PCDHGC4: variants seen among roughly 807,000 people sequenced by gnomAD.
PCDHGC4 encodes protocadherin gamma-C4.
A neutral mutation model predicts 59.7 loss-of-function variants in PCDHGC4; 15 were observed. That is an observed-to-expected ratio of 0.25 (90% CI 0.17 to 0.39). The LOEUF is 0.39. Ranked by LOEUF, PCDHGC4 falls within the 10% of genes least tolerant of loss-of-function variation. The pLI, the probability that PCDHGC4 is intolerant of heterozygous loss-of-function variation, is 1.00. For synonymous variants in PCDHGC4, 434 were observed against 481.4 expected (o/e 0.90, Z 1.29); for missense variants, 1,016 against 1,189.5 (o/e 0.85, Z 2.15).
Position 141,504,006 on chromosome 5 carries a change from G to C in PCDHGC4, c.2502-1387G>C, listed in dbSNP as rs138738950. Among the ~76,000 whole-genome samples, 1,431 of 152,182 alleles carry C rather than the reference G, an allele frequency of 9.4e-3. 31 individuals are homozygous for C. The highest frequency in any genetic ancestry group is 0.033 in the African/African-American group (1,367 of 41,490). On this transcript the variant is annotated intron_variant, in intron 2 of 3. Coordinates refer to ENST00000306593, the MANE Select transcript of PCDHGC4 (RefSeq NM_018928.3). The stretch of plus-strand genomic sequence containing the variant: ...CTTCTTACCTTACAGTCACTTAACT[G>C]TCTCTGCTGGTCTCTTCCCACTCAT...
In PCDHGC4 at chr5:141,486,836, G is replaced by C; in HGVS notation, c.1663G>C (p.Val555Leu). The change falls in exon 1 of 4, where the codon GTG (valine) becomes CTG (leucine). Residue 555 changes from valine (V) to leucine (L), a missense_variant. Coordinates refer to ENST00000306593, the MANE Select transcript of PCDHGC4 (RefSeq NM_018928.3). This position sits in a 1 kb window ranked among gnomAD's most constrained non-coding sequence, Gnocchi z 5.0. ...LSSTVTVRLF[V>L]LDLNDNAPAV... ...CAGCACTGTAACAGTTCGTCTATTT[G>C]TGCTGGACCTCAATGACAATGCTCC... 1 of 1,614,242 alleles carries C rather than the reference G, an allele frequency of 6.2e-7. No individual in the cohort carries two copies. The highest frequency in any genetic ancestry group is 8.5e-7 in the Non-Finnish European group (1 of 1,180,046).
intron 3 of PCDHGC4, among the ~76,000 whole-genome samples, chr5:141,506,700 G>GT (rs1446452157): frequency 2.0e-5 from 3 of 152,138 alleles, no homozygotes; most frequent in Admixed American, 1.3e-4. Context: ...ACCCAAACCC[G>GT]TTTTTTACTG....
chr5:141,485,497 T>C lies in PCDHGC4; in HGVS notation c.324T>C (p.Phe108=), dbSNP rs1594488328. The change falls in exon 1 of 4, where the codon TTT becomes TTC. Residue 108 remains phenylalanine, a synonymous_variant. Coordinates refer to ENST00000306593, the MANE Select transcript of PCDHGC4 (RefSeq NM_018928.3). The surrounding 1 kb of genome is among the most constrained non-coding windows in gnomAD (Gnocchi z 5.7). ...LSASCIVPLE[F]VTEGPLEMYR... ...CCAGCTGCATCGTGCCCCTGGAGTT[T>C]GTCACCGAAGGTCCTTTGGAAATGT... 6.2e-7 allele frequency: 1 copy of C among 1,614,112 alleles called. No homozygotes were observed. The highest frequency in any genetic ancestry group is 1.3e-5 in the African/African-American group (1 of 74,998).
rs922592733 is a variant in PCDHGC4 at position 141,487,979 on chromosome 5, C to T, written c.2442+364C>T. Among the ~76,000 whole-genome samples the T allele has an allele frequency of 1.3e-5, 2 of 152,178 alleles. No individual in the cohort carries two copies. Among genetic ancestry groups the T allele is most frequent in the African/African-American group, 4.8e-5 (2 of 41,442 alleles). The stretch of plus-strand genomic sequence containing the variant: ...TGGACAAAGGTGGCTGTTTTCTCTA[C>T]TCTTCCTGAAAGAGGGGATCAGATT... On this transcript the variant is annotated intron_variant, in intron 1 of 3. Coordinates refer to ENST00000306593, the MANE Select transcript of PCDHGC4 (RefSeq NM_018928.3). The surrounding 1 kb of genome is among the most constrained non-coding windows in gnomAD (Gnocchi z 5.0).
chr5:141,498,105 G>C (rs150297456), intron 2 of PCDHGC4, among the ~76,000 whole-genome samples: 1 of 152,324 alleles, frequency 6.6e-6, no homozygotes, highest in East Asian at 1.9e-4. Flanking sequence ...TGGTGTGGGC[G>C]TATAATAGGG....
intron 1 of PCDHGC4, among the ~76,000 whole-genome samples, chr5:141,494,529 G>C (rs952931724): frequency 1.3e-5 from 2 of 152,132 alleles, no homozygotes; most frequent in African/African-American, 4.8e-5. Flanking sequence ...TCTGACTCTG[G>C]GGGCAGGGAG....
In PCDHGC4 at chr5:141,512,859, CAT is replaced by C. The variant is rs1474518602; in HGVS notation, c.*1688_*1689del. 6.6e-6 allele frequency: 1 copy of C among 152,296 alleles called. No homozygotes were observed. The highest frequency in any genetic ancestry group is 1.9e-4 in the East Asian group (1 of 5,200). The allele number at this position is 152,296 out of a possible 1,614,324, so 9.4% of individuals were successfully genotyped here. A position where few individuals can be genotyped will look rare whatever the true frequency, so the allele number is the denominator to read the frequency against. On this transcript the variant is annotated 3_prime_UTR_variant, in exon 4 of 4. Transcript: ENST00000306593. ...CTTCTCCTATAAGCGCTTCTCTTCG[CAT>C]AGTCACGTAGCTCCCACCCCACCCT... is the stretch of plus-strand genomic sequence containing the variant.
chr5:141,488,210 A>G (rs2099673009), intron 1 of PCDHGC4, among the ~76,000 whole-genome samples: 1 of 152,192 alleles, frequency 6.6e-6, no homozygotes, highest in Admixed American at 6.5e-5. Context: ...ACTCATATCA[A>G]GTCCCTACTG....
Position 141,485,668 on chromosome 5 carries a change from T to C in PCDHGC4, c.495T>C (p.Asn165=). 6.2e-7 allele frequency: 1 copy of C among 1,612,698 alleles called. No homozygotes were observed. The highest frequency in any genetic ancestry group is 1.3e-5 in the African/African-American group (1 of 74,972). ...CTCAGGATGCAGATGTGGGGAGCAA[T>C]TCGATTAGCAGCTATAGGCTGAGCT... ...EKAQDADVGS[N]SISSYRLSSN... The change falls in exon 1 of 4, where the codon AAT becomes AAC. Residue 165 remains asparagine, a synonymous_variant. Transcript: ENST00000306593. The surrounding 1 kb of genome is among the most constrained non-coding windows in gnomAD (Gnocchi z 5.7).
rs575872277 is a variant in PCDHGC4, at chr5:141,511,848, G to A, written c.*675G>A. The A allele has an allele frequency of 6.4e-6, 1 of 156,684 alleles. No individual in the cohort carries two copies. The highest frequency in any genetic ancestry group is 2.0e-4 in the South Asian group (1 of 5,078). The allele number at this position is 156,684 out of a possible 1,614,324, so 9.7% of individuals were successfully genotyped here. A position where few individuals can be genotyped will look rare whatever the true frequency, so the allele number is the denominator to read the frequency against. ...GCCCTGGGGACCAGTCTTCTGTTTT[G>A]TTTTTCATTGTTTGACGTTTCCACT... On this transcript the variant is annotated 3_prime_UTR_variant, in exon 4 of 4. Transcript: ENST00000306593.
At position 141,489,969 on chromosome 5, in the gene PCDHGC4, A is replaced by C. The variant is rs746202385; in HGVS notation, c.2442+2354A>C. On this transcript the variant is annotated intron_variant, in intron 1 of 3. Coordinates refer to ENST00000306593, the MANE Select transcript of PCDHGC4 (RefSeq NM_018928.3). This position sits in a 1 kb window ranked among gnomAD's most constrained non-coding sequence, Gnocchi z 4.5. The stretch of plus-strand genomic sequence containing the variant: ...TCAATGATAATGCTCCAACCTTCCA[A>C]TCCTCAGTTCTACGTGTGGGAATCC... 4 of 1,614,008 alleles carry C rather than the reference A, an allele frequency of 2.5e-6. No individual in the cohort carries two copies.
chr5:141,490,862 C>G lies in PCDHGC4; in HGVS notation c.2442+3247C>G. 1 of 1,613,878 alleles carries G rather than the reference C, an allele frequency of 6.2e-7. No homozygotes were observed. Among genetic ancestry groups the G allele is most frequent in the East Asian group, 2.2e-5 (1 of 44,874 alleles). ...GTGGTGGGGGTTCGAGACTCCGGCTCTCCCCCATTGCATGCCAACACATCT... is the reference window on the plus strand; with the variant it reads ...GTGGTGGGGGTTCGAGACTCCGGCTGTCCCCCATTGCATGCCAACACATCT... On this transcript the variant is annotated intron_variant, in intron 1 of 3. Coordinates refer to ENST00000306593, the MANE Select transcript of PCDHGC4 (RefSeq NM_018928.3). The surrounding 1 kb of genome is among the most constrained non-coding windows in gnomAD (Gnocchi z 5.4).
rs1230384508 is a variant in PCDHGC4 at position 141,490,990 on chromosome 5, C to T, written c.2442+3375C>T. On this transcript the variant is annotated intron_variant, in intron 1 of 3. Coordinates refer to ENST00000306593, the MANE Select transcript of PCDHGC4 (RefSeq NM_018928.3). The surrounding 1 kb of genome is among the most constrained non-coding windows in gnomAD (Gnocchi z 5.4). ...CCCCCAGCGTCTCCCTCGCTCTGCT[C>T]CTCCTGGCTCCTTGGTCACCAAGGT... 6 of 1,614,102 alleles carry T rather than the reference C, an allele frequency of 3.7e-6. No homozygotes were observed. The highest frequency in any genetic ancestry group is 1.3e-5 in the African/African-American group (1 of 75,064).
Position 141,491,454 on chromosome 5 carries a change from C to T in PCDHGC4, c.2443-3353C>T. The T allele has an allele frequency of 1.9e-6, 3 of 1,614,120 alleles. No individual in the cohort carries two copies. The highest frequency in any genetic ancestry group is 2.5e-6 in the Non-Finnish European group (3 of 1,180,032). On this transcript the variant is annotated intron_variant, in intron 1 of 3. Coordinates refer to ENST00000306593, the MANE Select transcript of PCDHGC4 (RefSeq NM_018928.3). This position sits in a 1 kb window ranked among gnomAD's most constrained non-coding sequence, Gnocchi z 6.9. ...GCTGCAGGCGCCAGGACTCACCCTCCCCGGACTTCTATAAGCAGTCCAGCC... is the reference window on the plus strand; with the variant it reads ...GCTGCAGGCGCCAGGACTCACCCTCTCCGGACTTCTATAAGCAGTCCAGCC...
At chr5:141,492,163 C>G (rs921256341) in intron 1 of PCDHGC4, among the ~76,000 whole-genome samples, 3 of 152,232 alleles carry the variant, frequency 2.0e-5, no homozygotes, top group Admixed American at 6.5e-5. Flanking sequence ...CCTCCCTATC[C>G]CCGCATCACC....
chr5:141,496,766 CT>C (rs1361332988), intron 2 of PCDHGC4, among the ~76,000 whole-genome samples: 1 of 152,068 alleles, frequency 6.6e-6, no homozygotes, highest in Non-Finnish European at 1.5e-5. Context: ...TATCGAGCAT[CT>C]ACTATGAGCA....
intron 1 of PCDHGC4, among the ~76,000 whole-genome samples, chr5:141,492,165 C>T (rs932762928): frequency 1.4e-4 from 22 of 152,210 alleles, no homozygotes; most frequent in African/African-American, 4.8e-4. Context: ...TCCCTATCCC[C>T]GCATCACCCA....
rs144804989 is a variant in PCDHGC4 at position 141,489,791 on chromosome 5, C to T, written c.2442+2176C>T. 1.9e-6 allele frequency: 3 copies of T among 1,614,056 alleles called. No individual in the cohort carries two copies. Among genetic ancestry groups the T allele is most frequent in the Admixed American group, 1.7e-5 (1 of 60,010 alleles). Reference sequence around the variant, plus strand: ...AGCCACTTCTCTCTGAATGTGAAGACCCTAAAAGATGGGAAGCCATTCCCA... The same window carrying T: ...AGCCACTTCTCTCTGAATGTGAAGATCCTAAAAGATGGGAAGCCATTCCCA... On this transcript the variant is annotated intron_variant, in intron 1 of 3. Transcript: ENST00000306593. This position sits in a 1 kb window ranked among gnomAD's most constrained non-coding sequence, Gnocchi z 4.5.
chr5:141,488,705 G>T (rs1024064135), intron 1 of PCDHGC4, among the ~76,000 whole-genome samples: 1 of 152,200 alleles, frequency 6.6e-6, no homozygotes, highest in Non-Finnish European at 1.5e-5. Context: ...AGATTTTGCT[G>T]GTTCAAGCAA....
Sources: gnomAD v4.1 joint callset for allele counts (sites outside exome capture counted in the v4.1 genomes callset) on GRCh38, gnomAD v4.1.1 for gene constraint, Gnocchi (gnomAD v3.1) non-coding constraint, MANE v1.5 for transcripts, NCBI Gene and HGNC (gene_info 2026-07-23, HGNC 2026-07-21) for gene names.